Variants in PCSK6 observed in about 807,000 individuals in gnomAD.
PCSK6 encodes the protein proprotein convertase subtilisin/kexin type 6.
PCSK6 carries 85 observed loss-of-function variants against 123.3 expected under a neutral mutation model. The ratio of observed to expected loss-of-function variants is 0.69; its 90% CI spans 0.58 to 0.83. The LOEUF (loss-of-function observed/expected upper bound fraction) is 0.83, where lower values mean the gene tolerates loss of function less well. Among genes scored for constraint, PCSK6 ranks in the 40% least tolerant of loss-of-function variants. The probability of loss-of-function intolerance (pLI) is 0.00; values close to 1 mark genes in which losing one functional copy is unlikely to be tolerated. For synonymous variants in PCSK6, 508 were observed against 516.0 expected, an observed-to-expected ratio of 0.98 and a Z score of 0.21; for missense variants, 1,191 against 1,282.3, an observed-to-expected ratio of 0.93 and a Z score of 1.09.
rs536145912 is a variant in PCSK6 at position 101,470,750 on chromosome 15, G to A, written c.297+18624C>T. Among the ~76,000 whole-genome samples, 13 of 152,260 alleles carry A rather than the reference G, an allele frequency of 8.5e-5. No homozygotes were observed. In the East Asian group the frequency reaches 1.4e-3, roughly 16 times the overall value. On this transcript the variant is annotated intron_variant, in intron 1 of 21. Coordinates refer to ENST00000611716, the MANE Select transcript of PCSK6 (RefSeq NM_002570.5). ...GGGTTCTCCCACAAGGAGTCTGACC[G>A]CTGTGTCTTTGCTGCATTTGCCCTG...
intron 13 of PCSK6, among the ~76,000 whole-genome samples, chr15:101,337,955 C>A (rs1195042930): frequency 2.0e-5 from 3 of 152,162 alleles, no homozygotes; most frequent in South Asian, 4.1e-4. Context: ...AGAAATATTA[C>A]TTGATGCAGT....
chr15:101,389,350 T>G (rs904576213), intron 9 of PCSK6, 114 bp downstream of exon 9: 14 of 782,728 alleles, frequency 1.8e-5, no homozygotes, highest in Non-Finnish European at 3.1e-5. Context: ...TCACTGAATG[T>G]GCTTAATGCC....
At chr15:101,402,494 C>G (rs372258803) in intron 6 of PCSK6, among the ~76,000 whole-genome samples, 1 of 152,042 alleles carries the variant, frequency 6.6e-6, no homozygotes, top group Admixed American at 6.6e-5. Context: ...ACCTACAAAA[C>G]GGGAGAAAAT....
At chr15:101,431,518 C>T (rs2141119288) in intron 3 of PCSK6, 55 bp from the exon 4 acceptor site, 1 of 1,608,340 alleles carries the variant, frequency 6.2e-7, no homozygotes, top group Non-Finnish European at 8.5e-7. Context: ...AGATGCAGAA[C>T]TGACACTCGG....
intron 1 of PCSK6, among the ~76,000 whole-genome samples, chr15:101,487,525 A>C (rs1221891218): frequency 6.6e-6 from 1 of 152,198 alleles, no homozygotes; most frequent in Admixed American, 6.5e-5. Flanking sequence ...CCACAGATAG[A>C]AATTTCCGGG....
chr15:101,376,615 G>A (rs2041751191), intron 11 of PCSK6, among the ~76,000 whole-genome samples: 2 of 152,204 alleles, frequency 1.3e-5, no homozygotes, highest in South Asian at 2.1e-4. Context: ...CACAAATAGG[G>A]AGAATCAACT....
intron 1 of PCSK6, among the ~76,000 whole-genome samples, chr15:101,451,355 C>T (rs570691440): frequency 2.4e-4 from 36 of 152,024 alleles, no homozygotes; most frequent in East Asian, 1.8e-3. Context: ...AGGTGCAGTT[C>T]GTAGCCCTCG....
chr15:101,323,304 G>A lies in PCSK6; in HGVS notation c.2378-697C>T, dbSNP rs142951314. ...TGAGGATGTCGGGGTGAAGAAGGGC[G>A]GCCAACTGTGCCCTTGGGAAGGGGG... On this transcript the variant is annotated intron_variant, in intron 17 of 21. Transcript: ENST00000611716. Among the ~76,000 whole-genome samples the A allele has an allele frequency of 5.1e-3, 778 of 152,286 alleles. 5 individuals are homozygous for A. Among genetic ancestry groups the A allele is most frequent in the African/African-American group, 0.018 (734 of 41,552 alleles).
chr15:101,347,392 CAAGAATTCATGG>C, intron 13 of PCSK6: 1 of 1,236,340 alleles, frequency 8.1e-7, no homozygotes, highest in Middle Eastern at 3.1e-4. Context: ...GAAAGGAAAT[CAAGAATTCATGG>C]AACTTTTTAG....
intron 9 of PCSK6, among the ~76,000 whole-genome samples, chr15:101,385,911 G>T (rs1222410941): frequency 6.6e-6 from 1 of 152,172 alleles, no homozygotes; most frequent in African/African-American, 2.4e-5. Context: ...TTTTTAGTCG[G>T]TTAAATTGAT....
intron 7 of PCSK6, among the ~76,000 whole-genome samples, chr15:101,396,383 T>C (rs2042413600): frequency 6.6e-6 from 1 of 152,120 alleles, no homozygotes; most frequent in South Asian, 2.1e-4. Flanking sequence ...GGACCCCTCC[T>C]GGACGGAGGG....
intron 13 of PCSK6, among the ~76,000 whole-genome samples, chr15:101,354,194 C>T (rs2040976168): frequency 6.6e-6 from 1 of 152,064 alleles, no homozygotes; most frequent in Non-Finnish European, 1.5e-5. Flanking sequence ...TATCCACATG[C>T]ACACACACAC....
chr15:101,470,127 G>A (rs975958341), intron 1 of PCSK6, among the ~76,000 whole-genome samples: 3 of 152,180 alleles, frequency 2.0e-5, no homozygotes, highest in African/African-American at 7.2e-5. Flanking sequence ...TTGTACACAG[G>A]AGGTGAGGTA....
chr15:101,371,601 C>T (rs1415424093), intron 11 of PCSK6, among the ~76,000 whole-genome samples: 1 of 152,190 alleles, frequency 6.6e-6, no homozygotes, highest in Non-Finnish European at 1.5e-5. Flanking sequence ...TGAGAATTTC[C>T]AAGGATTAAC....
At chr15:101,311,174 G>A (rs552330277) in intron 20 of PCSK6, among the ~76,000 whole-genome samples, 1 of 151,802 alleles carries the variant, frequency 6.6e-6, no homozygotes, top group Non-Finnish European at 1.5e-5. Context: ...TGCATGGTGC[G>A]ATCATAGCTC....
At chr15:101,326,548 CCT>C in intron 15 of PCSK6, 69 bp from the exon 16 acceptor site, 1 of 1,408,318 alleles carries the variant, frequency 7.1e-7, no homozygotes, top group South Asian at 1.3e-5. Context: ...CCCGCGGATC[CCT>C]GTGTCAGGAT....
At position 101,382,110 on chromosome 15, in the gene PCSK6, GC is replaced by G; in HGVS notation, c.1513del (p.Ala505ProfsTer11). 1 of 1,608,730 alleles carries G rather than the reference GC, an allele frequency of 6.2e-7. No individual in the cohort carries two copies. The highest frequency in any genetic ancestry group is 8.5e-7 in the Non-Finnish European group (1 of 1,177,586). ...AVPSQHMCVA[A>X]SDKRPRSIPL... ...GCCTTACCTGGGTCTCTTGTCCGAG[GC>G]GGCCACACACATGTGCTGCGATGGC... On this transcript the variant is annotated frameshift_variant, in exon 11 of 22. Transcript: ENST00000611716. LOFTEE classifies it high-confidence loss of function.
intron 6 of PCSK6, among the ~76,000 whole-genome samples, chr15:101,402,850 G>C (rs1322793533): frequency 6.6e-6 from 1 of 152,128 alleles, no homozygotes; most frequent in Non-Finnish European, 1.5e-5. Context: ...AACCATTGTG[G>C]AAGACAGTGT....
At chr15:101,340,399 T>A (rs11856670) in intron 13 of PCSK6, among the ~76,000 whole-genome samples, 34,055 of 152,182 alleles carry the variant, frequency 0.22, 4,171 homozygotes, top group African/African-American at 0.3. Flanking sequence ...ATCACCTGTG[T>A]GTACAATGGA....
Sources: allele counts gnomAD v4.1 joint callset (sites outside exome capture counted in the v4.1 genomes callset), GRCh38; gene constraint gnomAD v4.1.1; transcripts MANE v1.5; gene names NCBI Gene and HGNC (gene_info 2026-07-23, HGNC 2026-07-21).